Variants in MYH3 observed in about 807,000 individuals in gnomAD.
MYH3 encodes the protein myosin heavy chain 3, also known as myosin-3.
MYH3 carries 130 observed loss-of-function variants against 238.0 expected under a neutral mutation model. The ratio of observed to expected loss-of-function variants is 0.55; its 90% confidence interval spans 0.47 to 0.63. The LOEUF is 0.63. Ranked by LOEUF, MYH3 falls within the 30% of genes least tolerant of loss-of-function variation. The probability of loss-of-function intolerance (pLI) is 0.00; values close to 1 mark genes in which losing one functional copy is unlikely to be tolerated. For synonymous variants in MYH3, 880 were observed against 924.1 expected, an observed-to-expected ratio of 0.95 and a Z score of 0.86; for missense variants, 1,853 against 2,374.9, an observed-to-expected ratio of 0.78 and a Z score of 4.57.
chr17:10,658,152 G>GA (rs2074452797), upstream of MYH3, among the ~76,000 whole-genome samples: 1 of 152,276 alleles, frequency 6.6e-6, no homozygotes, highest in Admixed American at 6.5e-5. Flanking sequence ...CGGACAAGGG[G>GA]GGGCTGTCTA....
rs1185406817 is a variant in MYH3 at position 10,639,789 on chromosome 17, A to C, written c.2696T>G (p.Leu899Trp). 11 of 1,613,804 alleles carry C rather than the reference A, an allele frequency of 6.8e-6. No individual in the cohort carries two copies. The highest frequency in any genetic ancestry group is 9.3e-6 in the Non-Finnish European group (11 of 1,180,002). ...ATCGCATCTTTCCTCAGCATCCAAC[A>C]AATTTTCGCTTTCCTTAAAAAAAAA... ...QLQVQAESEN[L>W]LDAEERCDQL... Residue 899 changes from leucine (L) to tryptophan (W), a missense_variant, in exon 23 of 41, where the codon TTG becomes TGG. Transcript: ENST00000583535.
At chr17:10,662,813 G>T in the MYH3 span, among the ~76,000 whole-genome samples, 12 of 152,164 alleles carry the variant, frequency 7.9e-5, no homozygotes, top group Non-Finnish European at 1.3e-4. Flanking sequence ...GGGGCTGAGT[G>T]CAGTGGCTGA....
At chr17:10,676,305 A>G in the MYH3 span, 76,322 of 151,926 alleles carry the variant, frequency 0.5, 19,886 homozygotes, top group African/African-American at 0.64. Flanking sequence ...TGGTCAGGCC[A>G]GTCTCGAACT....
chr17:10,645,380 T>C (rs1292363971), intron 12 of MYH3, among the ~76,000 whole-genome samples: 3 of 151,936 alleles, frequency 2.0e-5, no homozygotes, highest in African/African-American at 7.2e-5. Context: ...TGCAGTGAGC[T>C]GAGATCATGC....
intron 36 of MYH3, among the ~76,000 whole-genome samples, chr17:10,631,267 C>A (rs1168573239): frequency 6.6e-6 from 1 of 152,044 alleles, no homozygotes; most frequent in Non-Finnish European, 1.5e-5. Context: ...CGCGGTGGGC[C>A]GCCGGGAGAA....
intron 35 of MYH3, 32 bp downstream of exon 35, chr17:10,631,781 A>G: frequency 6.2e-7 from 1 of 1,613,984 alleles, no homozygotes; most frequent in Non-Finnish European, 8.5e-7. Flanking sequence ...ATGAGGCTGG[A>G]ACCTCGCCTC....
In MYH3 at chr17:10,651,435, T is replaced by C. The variant is rs2074373228; in HGVS notation, c.505+77A>G. The stretch of plus-strand genomic sequence containing the variant: ...GCTAAACACCAGATGGGGTCCAGCC[T>C]GGGAGTAAGGGGCAACTGCCGCTCG... On this transcript the variant is annotated intron_variant, in intron 5 of 40. Transcript: ENST00000583535. 5 of 1,608,852 alleles carry C rather than the reference T, an allele frequency of 3.1e-6. No individual in the cohort carries two copies. The Admixed American group carries it at 8.3e-5, about 27-fold the overall frequency.
intron 31 of MYH3, 47 bp downstream of exon 31, chr17:10,634,793 A>T (rs752917354): frequency 6.2e-7 from 1 of 1,610,692 alleles, no homozygotes; most frequent in Admixed American, 1.7e-5. Context: ...GGCTGCTAGG[A>T]ATCCCTTACA....
upstream of MYH3, among the ~76,000 whole-genome samples, chr17:10,658,249 G>A (rs1597496923): frequency 2.0e-5 from 3 of 152,182 alleles, 1 homozygote; most frequent in South Asian, 4.1e-4. Context: ...GCCCATTCTC[G>A]TTCTACTTTT....
chr17:10,671,572 A>ATTTTTTTTT, the MYH3 span, among the ~76,000 whole-genome samples: 1 of 82,308 alleles, frequency 1.2e-5, no homozygotes, highest in Non-Finnish European at 2.3e-5. Context: ...TCTCAGGGTC[A>ATTTTTTTTT]TTTTTTTTTT....
Position 10,638,128 on chromosome 17 carries a change from T to C in MYH3, c.3644A>G (p.Lys1215Arg). 6.2e-7 allele frequency: 1 copy of C among 1,613,828 alleles called. No homozygotes were observed. The highest frequency in any genetic ancestry group is 1.1e-5 in the South Asian group (1 of 91,058). The change falls in exon 27 of 41, where the codon AAG becomes AGG. Residue 1215 changes from lysine to arginine, a missense_variant. Around this residue, in one of 3 missense-constraint regions of MYH3, gnomAD observed 1,044 missense variants for 1,192.6 expected, o/e 0.88. Coordinates refer to ENST00000583535, the MANE Select transcript of MYH3 (RefSeq NM_002470.4). Reference sequence around the variant, plus strand: ...GCTCTTCTCCTTCTCCAGCTTCTGCTTGACCCGCTGCAGGTTGTCAATCTG... The same window carrying C: ...GCTCTTCTCCTTCTCCAGCTTCTGCCTGACCCGCTGCAGGTTGTCAATCTG... ...GEQIDNLQRVKQKLEKEKSEF... is the reference protein window; with the variant it reads ...GEQIDNLQRVRQKLEKEKSEF...
In MYH3 at chr17:10,639,405, C is replaced by G. The variant is rs778496251; in HGVS notation, c.2995G>C (p.Ala999Pro). Residue 999 changes from alanine (A) to proline (P), a missense_variant, in exon 24 of 41, where the codon GCC (alanine) becomes CCC (proline). Physicochemically the swap from Ala to Pro is conservative, Grantham distance 27. This residue lies in a region of MYH3 where 1,044 missense variants were observed against 1,192.6 expected (regional missense o/e 0.88). Coordinates refer to ENST00000583535, the MANE Select transcript of MYH3 (RefSeq NM_002470.4). ...TIAKLTREKKALQEAHQQALD... is the reference protein window; with the variant it reads ...TIAKLTREKKPLQEAHQQALD... Reference sequence around the variant, plus strand: ...GCCTGCTGGTGCGCCTCTTGGAGGGCCTTCTTCTCTCTGGTTAACTTTGCA... The same window carrying G: ...GCCTGCTGGTGCGCCTCTTGGAGGGGCTTCTTCTCTCTGGTTAACTTTGCA... The G allele has an allele frequency of 6.2e-7, 1 of 1,614,086 alleles. No homozygotes were observed. Among genetic ancestry groups the G allele is most frequent in the Non-Finnish European group, 8.5e-7 (1 of 1,180,002 alleles).
At chr17:10,663,772 G>T in the MYH3 span, among the ~76,000 whole-genome samples, 2 of 151,862 alleles carry the variant, frequency 1.3e-5, no homozygotes, top group Non-Finnish European at 2.9e-5. Flanking sequence ...TTAAAAAAAG[G>T]TCTAACATGG....
intron 6 of MYH3, 135 bp from the exon 7 acceptor site, chr17:10,649,820 C>T (rs1394965312): frequency 2.4e-6 from 2 of 823,936 alleles, no homozygotes; most frequent in Non-Finnish European, 4.1e-6. Context: ...TGTGACAGAC[C>T]ACTTGAGAAG....
the MYH3 span, chr17:10,676,672 C>G: frequency 6.6e-6 from 1 of 152,080 alleles, no homozygotes; most frequent in Admixed American, 6.5e-5. Context: ...CTTTAAGGCC[C>G]CTTATGAGGG....
rs773617707 is a variant in MYH3, at chr17:10,634,856, T to C, written c.4340A>G (p.Gln1447Arg). 1.2e-6 allele frequency: 2 copies of C among 1,614,046 alleles called. No homozygotes were observed. The highest frequency in any genetic ancestry group is 2.7e-5 in the African/African-American group (2 of 74,918). ...NSLAAALDKK[Q>R]RNFDKVLAEW... ...ACCCCACACCTTGTCAAAGTTCCTC[T>C]GCTTCTTGTCCAGAGCGGCGGCCAA... The change falls in exon 31 of 41, where the codon CAG becomes CGG. Residue 1447 changes from glutamine (Q) to arginine (R), a missense_variant. Gln to Arg is a conservative substitution (Grantham distance 43, BLOSUM62 1). Coordinates refer to ENST00000583535, the MANE Select transcript of MYH3 (RefSeq NM_002470.4).
At chr17:10,669,281 G>A in the MYH3 span, among the ~76,000 whole-genome samples, 18 of 152,198 alleles carry the variant, frequency 1.2e-4, no homozygotes, top group South Asian at 2.9e-3. Context: ...GGCCGGGTGC[G>A]GTGGCTCACA....
rs775420175 is a variant in MYH3, at chr17:10,637,799, C to T, written c.3856+10G>A. 1.8e-5 allele frequency: 29 copies of T among 1,613,808 alleles called. No individual in the cohort carries two copies. The highest frequency in any genetic ancestry group is 8.3e-5 in the Admixed American group (5 of 59,996). Reference sequence around the variant, plus strand: ...GTTTTGGCCCCACGGGTTTTCTGCACGTGGCTTACCAGCCTCGGTCTGCAA... The same window carrying T: ...GTTTTGGCCCCACGGGTTTTCTGCATGTGGCTTACCAGCCTCGGTCTGCAA... On this transcript the variant is annotated intron_variant, in intron 28 of 40. Transcript: ENST00000583535.
At chr17:10,664,553 T>C in the MYH3 span, among the ~76,000 whole-genome samples, 1 of 152,146 alleles carries the variant, frequency 6.6e-6, no homozygotes, top group Non-Finnish European at 1.5e-5. Context: ...AACTTCGATC[T>C]GTGAGTGAAA....
Sources: allele counts gnomAD v4.1 joint callset (sites outside exome capture counted in the v4.1 genomes callset), GRCh38; gene constraint gnomAD v4.1.1; regional missense constraint gnomAD v4.1.1; transcripts MANE v1.5; gene names NCBI Gene and HGNC (gene_info 2026-07-23, HGNC 2026-07-21).